WDR90: variants seen among roughly 807,000 people sequenced by gnomAD.
WDR90 encodes WD repeat domain 90.
A neutral mutation model predicts 195.2 loss-of-function variants in WDR90; 238 were observed. The observed-to-expected ratio is 1.22, with a 90% CI of 1.10 to 1.36. The LOEUF (loss-of-function observed/expected upper bound fraction) is 1.36. Among genes scored for constraint, WDR90 ranks in the 40% most tolerant of loss-of-function variants. The pLI, the probability that WDR90 is intolerant of heterozygous loss-of-function variation, is 0.00. For missense variants in WDR90, 2,734 were observed against 2,439.5 expected, an observed-to-expected ratio of 1.12 and a Z score of -2.54; for synonymous variants, 1,265 against 1,052.4, an observed-to-expected ratio of 1.20 and a Z score of -3.91.
intron 34 of WDR90, 130 bp downstream of exon 34, chr16:662,974 G>T: frequency 7.2e-7 from 1 of 1,386,016 alleles, no homozygotes; most frequent in Middle Eastern, 1.8e-4. Context: ...GCCGCCTTGG[G>T]GTTCCCAGCG....
At chr16:659,644 C>G (rs565544044) in intron 26 of WDR90, among the ~76,000 whole-genome samples, 128 of 152,272 alleles carry the variant, frequency 8.4e-4, no homozygotes, top group Middle Eastern at 6.8e-3. Flanking sequence ...GAGGAAGGAC[C>G]CTGTGAGGAG....
rs77462824 is a variant in WDR90 at position 656,743 on chromosome 16, C to T, written c.2214C>T (p.Phe738=). 6,532 of 1,613,032 alleles carry T rather than the reference C, an allele frequency of 4.0e-3. 229 individuals carry two copies. The African/African-American group carries it at 0.076, about 19-fold the overall frequency. ...CCCCTGTCCCACAGCTATACGACTT[C>T]ACATCATCAGAGGACGCCCCGTGCG... ...DLATLQQLYD[F]TSSEDAPCAV... The change falls in exon 19 of 41, where the codon TTC becomes TTT. Residue 738 remains phenylalanine (F), a synonymous_variant. Transcript: ENST00000293879.
intron 6 of WDR90, 47 bp from the exon 7 acceptor site, chr16:651,152 G>A: frequency 6.2e-7 from 1 of 1,612,996 alleles, no homozygotes; most frequent in Non-Finnish European, 8.5e-7. Context: ...TGGGAGGGTG[G>A]GTGGCCCTTG....
Position 651,014 on chromosome 16 carries a change from G to A in WDR90, c.579G>A (p.Trp193Ter). 1 of 1,613,256 alleles carries A rather than the reference G, an allele frequency of 6.2e-7. No individual in the cohort carries two copies. The highest frequency in any genetic ancestry group is 8.5e-7 in the Non-Finnish European group (1 of 1,179,966). The change falls in exon 6 of 41, where the codon TGG becomes TGA. Residue 193 changes from tryptophan (W) to a stop codon, truncating the protein, a stop_gained. Coordinates refer to ENST00000293879, the MANE Select transcript of WDR90 (RefSeq NM_145294.5). LOFTEE classifies it high-confidence loss of function. ...CFEPAISGAQ[W>*]AKLPVTPMPR... is the part of the protein sequence containing the mutation. ...TTGTAGCCATCTCTGGGGCCCAGTG[G>A]GCAAAGCTGCCCGTGACTCCTATGC...
chr16:656,880 C>G lies in WDR90; in HGVS notation c.2342+9C>G, dbSNP rs1361708773. ...GTCCTGGTGGAACACACGTAAGTGC[C>G]CAGCTGGCCACCAGCCCCACGGAGA... On this transcript the variant is annotated intron_variant, in intron 19 of 40. Coordinates refer to ENST00000293879, the MANE Select transcript of WDR90 (RefSeq NM_145294.5). 1 of 1,611,112 alleles carries G rather than the reference C, an allele frequency of 6.2e-7. No homozygotes were observed. The highest frequency in any genetic ancestry group is 1.7e-5 in the Admixed American group (1 of 59,864).
At chr16:652,329 C>A in intron 9 of WDR90, 138 bp from the exon 10 acceptor site, 1 of 1,065,282 alleles carries the variant, frequency 9.4e-7, no homozygotes, top group Non-Finnish European at 1.3e-6. Context: ...TTACCACAGC[C>A]AGCAGGAGCC....
Position 650,643 on chromosome 16 carries a change from A to G in WDR90, c.493A>G (p.Ser165Gly), listed in dbSNP as rs1338800053. ...GAACCGGTGCTACGGCCATCTCAAG[A>G]GCATCAGGCTGTGCGCCAGCCTGCT... ...YLNRCYGHLK[S>G]IRLCASLLVR... The change falls in exon 5 of 41, where the codon AGC becomes GGC. Residue 165 changes from serine (S) to glycine (G), a missense_variant. Ser to Gly is a moderately conservative substitution (Grantham distance 56). Coordinates refer to ENST00000293879, the MANE Select transcript of WDR90 (RefSeq NM_145294.5). 2.5e-6 allele frequency: 4 copies of G among 1,612,656 alleles called. No homozygotes were observed. Among genetic ancestry groups the G allele is most frequent in the Non-Finnish European group, 3.4e-6 (4 of 1,179,892 alleles).
chr16:665,411 T>C lies in WDR90; in HGVS notation c.4312-268T>C, dbSNP rs1432359120. On this transcript the variant is annotated intron_variant, in intron 34 of 40. Transcript: ENST00000293879. ...GGATGCACGGCCACGCTCCTGTCTT[T>C]GAGGTGCTGTCAGAACAGCTTTCTC... 4 of 595,318 alleles carry C rather than the reference T, an allele frequency of 6.7e-6. No homozygotes were observed. In the Admixed American group the frequency reaches 9.1e-5, roughly 14 times the overall value. The allele number at this position is 595,318 out of a possible 1,614,324, so 36.9% of individuals were successfully genotyped here. A position where few individuals can be genotyped will look rare whatever the true frequency, so the allele number is the denominator to read the frequency against.
intron 10 of WDR90, 141 bp downstream of exon 10, chr16:652,676 C>G (rs1016538474): frequency 2.3e-6 from 2 of 885,544 alleles, no homozygotes; most frequent in Non-Finnish European, 3.1e-6. Flanking sequence ...GCGGTCCCGT[C>G]CCCCTGCAGT....
At chr16:656,685 G>A in intron 18 of WDR90, 47 bp from the exon 19 acceptor site, 1 of 1,589,678 alleles carries the variant, frequency 6.3e-7, no homozygotes, top group Non-Finnish European at 8.6e-7. Flanking sequence ...GAGCCCCTGG[G>A]CCCTTGAGAT....
At position 655,359 on chromosome 16, in the gene WDR90, G is replaced by C; in HGVS notation, c.1609G>C (p.Val537Leu). ...SVRLWRLRGGVLRSCPVDLGE... is the reference protein window; with the variant it reads ...SVRLWRLRGGLLRSCPVDLGE... ...GCGGCTCTGGCGGCTGCGTGGCGGG[G>C]TGCTGCGTTCCTGCCCCGTGGACTT... The change falls in exon 15 of 41, where the codon GTG (valine) becomes CTG (leucine). Residue 537 changes from valine (V) to leucine (L), a missense_variant. Physicochemically the swap from Val to Leu is conservative, Grantham distance 32 (BLOSUM62 1). Transcript: ENST00000293879. 1.2e-6 allele frequency: 2 copies of C among 1,602,028 alleles called. No individual in the cohort carries two copies. Among genetic ancestry groups the C allele is most frequent in the Non-Finnish European group, 1.7e-6 (2 of 1,179,158 alleles).
chr16:657,400 A>G (rs1596463632), intron 20 of WDR90, 179 bp downstream of exon 20: 3 of 1,057,864 alleles, frequency 2.8e-6, no homozygotes, highest in Non-Finnish European at 4.0e-6. Flanking sequence ...TTTAGCGTTC[A>G]CTGGACCCCA....
intron 21 of WDR90, 41 bp from the exon 22 acceptor site, chr16:658,142 C>T (rs759824297): frequency 1.1e-5 from 18 of 1,585,208 alleles, no homozygotes; most frequent in African/African-American, 2.7e-5. Flanking sequence ...ACCGGCTCTG[C>T]CCAGGGGCCC....
Position 661,755 on chromosome 16 carries a change from CT to C in WDR90, c.3834del (p.Gln1279SerfsTer25). 6.2e-7 allele frequency: 1 copy of C among 1,608,748 alleles called. No homozygotes were observed. The highest frequency in any genetic ancestry group is 8.5e-7 in the Non-Finnish European group (1 of 1,177,808). On this transcript the variant is annotated frameshift_variant, in exon 31 of 41. Transcript: ENST00000293879. LOFTEE classifies it high-confidence loss of function. ...CCAGGGCACTGTCACCTTCTGGCTC[CT>C]TCAGCAGCGTGGGGCAGACATCAGC... is the stretch of plus-strand genomic sequence containing the variant. ...VGQGTVTFWLLQQRGADISLQ... is the reference protein window; with the variant it reads ...VGQGTVTFWLXQQRGADISLQ...
chr16:660,039 T>C lies in WDR90; in HGVS notation c.3185-19T>C. On this transcript the variant is annotated intron_variant, in intron 26 of 40. Transcript: ENST00000293879. ...CTCAGGGCAGTGTAATGCCACAAGC[T>C]CTGCCTCCTCCCTGCCAGGCGCCAG... 2.0e-6 allele frequency: 3 copies of C among 1,529,946 alleles called. No individual in the cohort carries two copies. Among genetic ancestry groups the C allele is most frequent in the Non-Finnish European group, 2.6e-6 (3 of 1,139,500 alleles). 94.8% of individuals were successfully genotyped at this position (1,529,946 alleles called of 1,614,324 possible).
chr16:666,096 G>A lies in WDR90; in HGVS notation c.4581G>A (p.Ala1527=), dbSNP rs371596031. The A allele has an allele frequency of 2.4e-5, 38 of 1,610,196 alleles. No homozygotes were observed. Among genetic ancestry groups the A allele is most frequent in the East Asian group, 4.5e-5 (2 of 44,878 alleles). ...TCAAGATGCACCCCCACCCGGTGGC[G>A]CTGACCACTGTTGCCTTCTCCACCG... is the stretch of plus-strand genomic sequence containing the variant. ...MELKMHPHPV[A]LTTVAFSTDG... Residue 1527 remains alanine (A), a synonymous_variant, in exon 36 of 41, where the codon GCG becomes GCA. Coordinates refer to ENST00000293879, the MANE Select transcript of WDR90 (RefSeq NM_145294.5).
chr16:649,438 CT>C lies in WDR90; in HGVS notation c.10+13del. 1 of 1,299,784 alleles carries C rather than the reference CT, an allele frequency of 7.7e-7. No homozygotes were observed. 80.5% of individuals were successfully genotyped at this position (1,299,784 alleles called of 1,614,324 possible). On this transcript the variant is annotated intron_variant, in intron 1 of 40. Transcript: ENST00000293879. ...CGCCATGGCCCGAGGTAGCGCGCGG[CT>C]GGCGGGGGTCCCGAGGATCCCGGGT...
chr16:650,823 A>C, intron 5 of WDR90, 114 bp downstream of exon 5: 2 of 1,502,456 alleles, frequency 1.3e-6, no homozygotes, highest in Non-Finnish European at 1.8e-6. Context: ...GCTGTCTCTG[A>C]GCTCTGGCCA....
chr16:657,012 T>C (rs1029671086), intron 19 of WDR90, 79 bp from the exon 20 acceptor site: 3 of 1,568,028 alleles, frequency 1.9e-6, no homozygotes, highest in Non-Finnish European at 2.6e-6. Context: ...ATGGCCAGGC[T>C]GGTTGGCTGG....
Sources: gnomAD v4.1 joint callset for allele counts (sites outside exome capture counted in the v4.1 genomes callset) on GRCh38, gnomAD v4.1.1 for gene constraint, MANE v1.5 for transcripts, NCBI Gene and HGNC (gene_info 2026-07-23, HGNC 2026-07-21) for gene names.